GABPB1: variants seen among roughly 807,000 people sequenced by gnomAD.
The protein encoded by GABPB1 is GA-binding protein subunit beta-1.
GABPB1 carries 15 observed loss-of-function variants against 45.9 expected under a neutral mutation model. That is an observed-to-expected ratio of 0.33 (90% CI 0.22 to 0.50). The LOEUF is 0.50. GABPB1 is among the 20% of genes least tolerant of loss of function. The probability of loss-of-function intolerance (pLI) is 0.98; values close to 1 mark genes in which losing one functional copy is unlikely to be tolerated. For synonymous variants in GABPB1, 143 were observed against 154.4 expected (o/e 0.93, Z 0.55); for missense variants, 252 against 457.5 (o/e 0.55, Z 4.10).
In GABPB1 at chr15:50,300,645, A is replaced by G. The variant is rs1319983595; in HGVS notation, c.697+144T>C. On this transcript the variant is annotated intron_variant, in intron 6 of 8. Transcript: ENST00000380877. ...TTTTTAGTAGAAACAGAGTTTCACT[A>G]TGTTGTCCAGGCTGGTCTCAAACTC... 4 of 562,470 alleles carry G rather than the reference A, an allele frequency of 7.1e-6. No individual in the cohort carries two copies. The Admixed American group carries it at 1.2e-4, about 17-fold the overall frequency. 34.8% of individuals were successfully genotyped at this position (562,470 alleles called of 1,614,324 possible). A position where few individuals can be genotyped will look rare whatever the true frequency, so the allele number is the denominator to read the frequency against.
At chr15:50,296,560 T>A (rs6493427) in intron 6 of GABPB1, among the ~76,000 whole-genome samples, 1 of 151,954 alleles carries the variant, frequency 6.6e-6, no homozygotes, top group Non-Finnish European at 1.5e-5. Context: ...GTCACAGACA[T>A]ATACCTTGGG....
chr15:50,295,139 G>A (rs8024514), intron 6 of GABPB1, among the ~76,000 whole-genome samples: 28,753 of 152,006 alleles, frequency 0.19, 2,933 homozygotes, highest in African/African-American at 0.24. Context: ...AATAACCCTC[G>A]AATCTATTCA....
intron 6 of GABPB1, among the ~76,000 whole-genome samples, chr15:50,292,018 C>T (rs1340875461): frequency 6.6e-6 from 1 of 151,656 alleles, no homozygotes; most frequent in East Asian, 2.0e-4. Context: ...ATCTAGTTAA[C>T]ATTTAAAAAA....
intron 8 of GABPB1, among the ~76,000 whole-genome samples, chr15:50,280,744 G>GA (rs922499163): frequency 4.4e-4 from 61 of 139,384 alleles, no homozygotes; most frequent in Admixed American, 9.3e-4. Flanking sequence ...TGTCTCAAAA[G>GA]AAAAAAAAAA....
chr15:50,335,848 A>G (rs2048101103), intron 1 of GABPB1, among the ~76,000 whole-genome samples: 1 of 144,720 alleles, frequency 6.9e-6, no homozygotes, highest in Non-Finnish European at 1.5e-5. Flanking sequence ...GTGAGCCGAG[A>G]TCATGGTGCT....
intron 4 of GABPB1, 40 bp downstream of exon 4, chr15:50,302,889 T>G: frequency 7.3e-7 from 1 of 1,365,488 alleles, no homozygotes; most frequent in Non-Finnish European, 1.0e-6. Flanking sequence ...TGATAAGGCT[T>G]CTTTTTCTTT....
At chr15:50,285,784 G>A (rs2140975843) in intron 8 of GABPB1, 2 of 1,206,972 alleles carry the variant, frequency 1.7e-6, no homozygotes, top group South Asian at 3.1e-5. Flanking sequence ...AATGGTGTGT[G>A]TAAGTTTAAA....
chr15:50,294,159 GA>G, intron 6 of GABPB1, among the ~76,000 whole-genome samples: 1 of 152,100 alleles, frequency 6.6e-6, no homozygotes, highest in Non-Finnish European at 1.5e-5. Context: ...AATAAGGGAA[GA>G]AAACTGTCTT....
chr15:50,319,184 G>A (rs901647244), intron 1 of GABPB1, among the ~76,000 whole-genome samples: 10 of 152,130 alleles, frequency 6.6e-5, no homozygotes, highest in Admixed American at 4.6e-4. Context: ...GTTCTGGGGT[G>A]GGAAGAAATA....
intron 1 of GABPB1, among the ~76,000 whole-genome samples, 176 bp from the exon 2 acceptor site, chr15:50,309,974 A>G (rs1441144170): frequency 6.6e-6 from 1 of 152,264 alleles, no homozygotes; most frequent in Non-Finnish European, 1.5e-5. Context: ...TGGATTTTAG[A>G]ATCCATTTTC....
At position 50,300,697 on chromosome 15, in the gene GABPB1, G is replaced by A. The variant is rs893485894; in HGVS notation, c.697+92C>T. On this transcript the variant is annotated intron_variant, in intron 6 of 8. Coordinates refer to ENST00000380877, the MANE Select transcript of GABPB1 (RefSeq NM_016654.5). ...TGAGCTCAGGCAATCCACCCGCCTCGCCCTCCCAAAGTGCTAGGATTACAG... is the reference window on the plus strand; with the variant it reads ...TGAGCTCAGGCAATCCACCCGCCTCACCCTCCCAAAGTGCTAGGATTACAG... 1.2e-4 allele frequency: 89 copies of A among 748,746 alleles called. 1 individual carries two copies. The highest frequency in any genetic ancestry group is 4.7e-4 in the South Asian group (32 of 67,758). The allele number at this position is 748,746 out of a possible 1,614,324, so 46.4% of individuals were successfully genotyped here.
chr15:50,319,996 CAT>C (rs2047501977), intron 1 of GABPB1, among the ~76,000 whole-genome samples: 1 of 152,112 alleles, frequency 6.6e-6, no homozygotes, highest in Non-Finnish European at 1.5e-5. Flanking sequence ...CTTTTCTATG[CAT>C]ATTAGAAACA....
At chr15:50,344,382 G>A (rs542492212) in intron 1 of GABPB1, among the ~76,000 whole-genome samples, 8 of 152,252 alleles carry the variant, frequency 5.3e-5, no homozygotes, top group African/African-American at 1.4e-4. Flanking sequence ...CAGTGCAAAG[G>A]TCAATAGCAC....
intron 2 of GABPB1, among the ~76,000 whole-genome samples, chr15:50,304,714 GAAAAAAA>G (rs1230865292): frequency 2.8e-5 from 3 of 105,418 alleles, no homozygotes; most frequent in Non-Finnish European, 4.1e-5. Flanking sequence ...TTGGTCTAAA[GAAAAAAA>G]AAAAAAAAAG....
rs80143185 is a variant in GABPB1 at position 50,329,115 on chromosome 15, G to A, written c.1-19317C>T. ...TTGGCACAAGAATGTTCCAGGTTAC[G>A]CATGTCCCCTGCTCCAGACCCAGAA... On this transcript the variant is annotated intron_variant, in intron 1 of 8. Transcript: ENST00000380877. 5.7e-4 allele frequency among the ~76,000 whole-genome samples: 87 copies of A among 152,170 alleles called. 1 individual carries two copies. In the East Asian group the frequency reaches 0.016, roughly 28 times the overall value.
chr15:50,304,883 T>A (rs1005661863), intron 2 of GABPB1, among the ~76,000 whole-genome samples: 1 of 152,106 alleles, frequency 6.6e-6, no homozygotes, highest in Non-Finnish European at 1.5e-5. Flanking sequence ...ATCAAAATTG[T>A]TTTGTAGGTC....
intron 4 of GABPB1, 47 bp downstream of exon 4, chr15:50,302,882 T>A: frequency 7.8e-7 from 1 of 1,279,064 alleles, no homozygotes; most frequent in Non-Finnish European, 1.1e-6. Context: ...CCTCTACTGA[T>A]AAGGCTTCTT....
chr15:50,301,816 T>C (rs2046761317), intron 4 of GABPB1, among the ~76,000 whole-genome samples: 1 of 152,142 alleles, frequency 6.6e-6, no homozygotes, highest in African/African-American at 2.4e-5. Flanking sequence ...CCTGTAGCTA[T>C]AGGAATTTAA....
intron 5 of GABPB1, 39 bp from the exon 6 acceptor site, chr15:50,300,941 G>T: frequency 8.1e-7 from 1 of 1,232,476 alleles, no homozygotes; most frequent in Non-Finnish European, 1.2e-6. Flanking sequence ...TTTCTAAGGA[G>T]CTTAATCCAA....
Sources: gnomAD v4.1 joint callset for allele counts (sites outside exome capture counted in the v4.1 genomes callset) on GRCh38, gnomAD v4.1.1 for gene constraint, MANE v1.5 for transcripts, NCBI Gene and HGNC (gene_info 2026-07-23, HGNC 2026-07-21) for gene names.